The following WFIKKN2 variants were observed in gnomAD, a reference collection of about 807,000 sequenced individuals.
WFIKKN2 encodes WAP, follistatin/kazal, immunoglobulin, kunitz and netrin domain containing 2, also known as WAP, Kazal, immunoglobulin, Kunitz and NTR domain-containing protein 2.
A neutral mutation model predicts 39.2 loss-of-function variants in WFIKKN2; 25 were observed. The observed-to-expected ratio is 0.64, with a 90% CI of 0.47 to 0.89. WFIKKN2 has a LOEUF of 0.89. WFIKKN2 is among the 40% of genes least tolerant of loss of function. The pLI is 0.00. For synonymous variants in WFIKKN2, 345 were observed against 329.7 expected (o/e 1.05, Z -0.50); for missense variants, 770 against 811.7 (o/e 0.95, Z 0.62).
Position 50,836,002 on chromosome 17 carries a change from T to G in WFIKKN2, c.65T>G (p.Leu22Arg), listed in dbSNP as rs758227263. 6.2e-7 allele frequency: 1 copy of G among 1,604,468 alleles called. No homozygotes were observed. The highest frequency in any genetic ancestry group is 8.5e-7 in the Non-Finnish European group (1 of 1,176,060). ...GAGCAGGTGGCAGCGCTGCTGCTGCTGCTGCTACTGCTCGGGGTGCCCCCG... is the reference window on the plus strand; with the variant it reads ...GAGCAGGTGGCAGCGCTGCTGCTGCGGCTGCTACTGCTCGGGGTGCCCCCG... ...RWEQVAALLL[L>R]LLLLGVPPRS... The change falls in exon 1 of 2, where the codon CTG (leucine) becomes CGG (arginine). Residue 22 changes from leucine to arginine, a missense_variant. Transcript: ENST00000311378.
rs762540301 is a variant in WFIKKN2 at position 50,840,511 on chromosome 17, C to T, written c.1223C>T (p.Thr408Met). The change falls in exon 2 of 2, where the codon ACG (threonine) becomes ATG (methionine). Residue 408 changes from threonine (T) to methionine (M), a missense_variant. By Grantham distance (81) the Thr-to-Met change is moderately conservative. Coordinates refer to ENST00000311378, the MANE Select transcript of WFIKKN2 (RefSeq NM_175575.6). ...YAPRWAYNSQ[T>M]GQCQSFVYGG... The stretch of plus-strand genomic sequence containing the variant: ...CCTCGCTGGGCTTACAACAGCCAGA[C>T]GGGCCAGTGCCAGTCCTTTGTCTAT... 1.4e-5 allele frequency: 22 copies of T among 1,613,954 alleles called. No individual in the cohort carries two copies. Among genetic ancestry groups the T allele is most frequent in the Non-Finnish European group, 1.6e-5 (19 of 1,179,946 alleles).
Position 50,841,175 on chromosome 17 carries a change from C to A in WFIKKN2, c.*156C>A. ...GAAAAAGCCACAGAAGGTCTCAGAT[C>A]AGCATCTATTCTTTGGGTTCAATAA... On this transcript the variant is annotated 3_prime_UTR_variant, in exon 2 of 2. Coordinates refer to ENST00000311378, the MANE Select transcript of WFIKKN2 (RefSeq NM_175575.6). The A allele has an allele frequency of 1.4e-6, 1 of 714,274 alleles. No individual in the cohort carries two copies. The highest frequency in any genetic ancestry group is 2.2e-6 in the Non-Finnish European group (1 of 456,006). The allele number at this position is 714,274 out of a possible 1,614,324, so 44.2% of individuals were successfully genotyped here. A position where few individuals can be genotyped will look rare whatever the true frequency, so the allele number is the denominator to read the frequency against.
In WFIKKN2 at chr17:50,840,453, C is replaced by A. The variant is rs748136500; in HGVS notation, c.1165C>A (p.Pro389Thr). ...MSGPLAACSL[P>T]ALQGPCKAYA... ...CGGGCCGCTGGCCGCGTGCAGCCTG[C>A]CCGCCCTGCAGGGGCCCTGCAAAGC... The change falls in exon 2 of 2, where the codon CCC becomes ACC. Residue 389 changes from proline (P) to threonine (T), a missense_variant. Pro to Thr is a conservative substitution (Grantham distance 38, BLOSUM62 -1). Coordinates refer to ENST00000311378, the MANE Select transcript of WFIKKN2 (RefSeq NM_175575.6). 4 of 1,613,814 alleles carry A rather than the reference C, an allele frequency of 2.5e-6. No individual in the cohort carries two copies. The highest frequency in any genetic ancestry group is 3.4e-6 in the Non-Finnish European group (4 of 1,179,912).
intron 1 of WFIKKN2, 114 bp from the exon 2 acceptor site, chr17:50,839,385 C>A: frequency 1.0e-6 from 1 of 983,764 alleles, no homozygotes. Flanking sequence ...GTGTTTTGCT[C>A]CCACTAGATG....
rs1972021465 is a variant in WFIKKN2, at chr17:50,840,229, CAG to C, written c.946_947del (p.Ser316GlnfsTer19). Reference sequence around the variant, plus strand: ...AGGGGTCATCAGGCTGCAGCCACCTCAGAGAGCAGCCCCAATGGCACGGCTTT... The same window carrying C: ...AGGGGTCATCAGGCTGCAGCCACCTCAGAGCAGCCCCAATGGCACGGCTTT... On this transcript the variant is annotated frameshift_variant, in exon 2 of 2. Transcript: ENST00000311378. LOFTEE classifies it high-confidence loss of function. 2.0e-5 allele frequency: 32 copies of C among 1,614,002 alleles called. No homozygotes were observed. Among genetic ancestry groups the C allele is most frequent in the Non-Finnish European group, 2.7e-5 (32 of 1,180,026 alleles).
Position 50,838,915 on chromosome 17 carries a change from G to A in WFIKKN2, c.211-584G>A, listed in dbSNP as rs922342490. ...GCATTCCCCTCTTAACCTCTGATGC[G>A]ATCTCTTCCAGTCAGCAAGGCATCC... On this transcript the variant is annotated intron_variant, in intron 1 of 1. Transcript: ENST00000311378. 3.9e-5 allele frequency among the ~76,000 whole-genome samples: 6 copies of A among 152,292 alleles called. No individual in the cohort carries two copies. The East Asian group carries it at 9.6e-4, about 24-fold the overall frequency.
rs1163661531 is a variant in WFIKKN2 at position 50,841,094 on chromosome 17, C to T, written c.*75C>T. The T allele has an allele frequency of 1.3e-5, 18 of 1,414,760 alleles. No homozygotes were observed. The highest frequency in any genetic ancestry group is 2.7e-5 in the Admixed American group (1 of 37,712). The allele number at this position is 1,414,760 out of a possible 1,614,324, so 87.6% of individuals were successfully genotyped here. A position where few individuals can be genotyped will look rare whatever the true frequency, so the allele number is the denominator to read the frequency against. ...CCCCAATGCCTCTCAGCAAACTGGG[C>T]GAGGTCAGATTAGACAGGCTTGGGA... On this transcript the variant is annotated 3_prime_UTR_variant, in exon 2 of 2. Coordinates refer to ENST00000311378, the MANE Select transcript of WFIKKN2 (RefSeq NM_175575.6).
Position 50,836,120 on chromosome 17 carries a change from CT to C in WFIKKN2, c.184del (p.Cys62AlafsTer35). The C allele has an allele frequency of 6.2e-7, 1 of 1,613,406 alleles. No homozygotes were observed. The highest frequency in any genetic ancestry group is 1.1e-5 in the South Asian group (1 of 90,920). ...ACCTCTGGGTGGACGCACAGAGCAC[CT>C]GCAGGCGGGAGTGTGAGACGGACCA... ...PNLWVDAQST[C>X]RRECETDQEC... is the part of the protein sequence containing the mutation. On this transcript the variant is annotated frameshift_variant, in exon 1 of 2. Transcript: ENST00000311378. LOFTEE classifies it high-confidence loss of function.
Position 50,840,669 on chromosome 17 carries a change from A to G in WFIKKN2, c.1381A>G (p.Ser461Gly). The G allele has an allele frequency of 6.2e-7, 1 of 1,613,908 alleles. No homozygotes were observed. The highest frequency in any genetic ancestry group is 8.5e-7 in the Non-Finnish European group (1 of 1,179,990). ...RQKLVTSFCR[S>G]DFVILGRVSE... is the part of the protein sequence containing the mutation. ...GAAGCTCGTTACCAGCTTCTGTCGC[A>G]GCGACTTTGTCATCCTGGGCCGAGT... The change falls in exon 2 of 2, where the codon AGC becomes GGC. Residue 461 changes from serine to glycine, a missense_variant. By Grantham distance (56) the Ser-to-Gly change is moderately conservative. Transcript: ENST00000311378.
rs61732899 is a variant in WFIKKN2 at position 50,840,191 on chromosome 17, G to A, written c.903G>A (p.Pro301=). 2.8e-3 allele frequency: 4,490 copies of A among 1,613,680 alleles called. 97 individuals carry two copies. The African/African-American group carries it at 0.053, about 19-fold the overall frequency. The change falls in exon 2 of 2, where the codon CCG becomes CCA. Residue 301 remains proline (P), a synonymous_variant. Transcript: ENST00000311378. ...CTGGGGTCCTGAGGGCTGATTTCCC[G>A]CTGTCGGTGGTCAGGGGTCATCAGG... is the stretch of plus-strand genomic sequence containing the variant. ...NVAGVLRADF[P]LSVVRGHQAA... is the part of the protein sequence containing the mutation.
intron 1 of WFIKKN2, among the ~76,000 whole-genome samples, chr17:50,837,123 C>G (rs1971970045): frequency 6.6e-6 from 1 of 152,148 alleles, no homozygotes; most frequent in African/African-American, 2.4e-5. Context: ...CATCAGCAGC[C>G]CATTCACAGG....
In WFIKKN2 at chr17:50,840,437, G is replaced by A; in HGVS notation, c.1149G>A (p.Leu383=). ...TGCTGGCCTGCATGAGCGGGCCGCT[G>A]GCCGCGTGCAGCCTGCCCGCCCTGC... ...ACMLACMSGP[L]AACSLPALQG... Residue 383 remains leucine, a synonymous_variant, in exon 2 of 2, where the codon CTG becomes CTA. Transcript: ENST00000311378. 2.5e-6 allele frequency: 4 copies of A among 1,613,848 alleles called. No individual in the cohort carries two copies. The South Asian group carries it at 3.3e-5, about 13-fold the overall frequency.
chr17:50,836,095 A>C lies in WFIKKN2; in HGVS notation c.158A>C (p.Asn53Thr). 2 of 1,612,242 alleles carry C rather than the reference A, an allele frequency of 1.2e-6. No homozygotes were observed. Among genetic ancestry groups the C allele is most frequent in the Non-Finnish European group, 1.7e-6 (2 of 1,179,322 alleles). Residue 53 changes from asparagine to threonine, a missense_variant, in exon 1 of 2, where the codon AAC (asparagine) becomes ACC (threonine). Asn to Thr is a moderately conservative substitution (Grantham distance 65). Coordinates refer to ENST00000311378, the MANE Select transcript of WFIKKN2 (RefSeq NM_175575.6). ...ATCTGCCCCAACGACATGAATCCCA[A>C]CCTCTGGGTGGACGCACAGAGCACC... The part of the protein sequence containing the change: ...AGICPNDMNP[N>T]LWVDAQSTCR...
chr17:50,838,081 A>G (rs1971982484), intron 1 of WFIKKN2, among the ~76,000 whole-genome samples: 1 of 152,010 alleles, frequency 6.6e-6, no homozygotes, highest in Non-Finnish European at 1.5e-5. Flanking sequence ...CCAGGTCCTG[A>G]ATGTCTTAGG....
rs1411602303 is a variant in WFIKKN2 at position 50,840,299 on chromosome 17, T to C, written c.1011T>C (p.Cys337=). Residue 337 remains cysteine (C), a synonymous_variant, in exon 2 of 2, where the codon TGT becomes TGC. Transcript: ENST00000311378. The stretch of plus-strand genomic sequence containing the variant: ...TGAAGCCCCCAGACAGTGAGGACTG[T>C]GGCGAAGAGCAGACCCGCTGGCACT... The part of the protein sequence containing the change: ...ECLKPPDSED[C]GEEQTRWHFD... The C allele has an allele frequency of 6.2e-7, 1 of 1,613,916 alleles. No individual in the cohort carries two copies. Among genetic ancestry groups the C allele is most frequent in the African/African-American group, 1.3e-5 (1 of 74,928 alleles).
In WFIKKN2 at chr17:50,841,039, C is replaced by A; in HGVS notation, c.*20C>A. 2 of 1,510,020 alleles carry A rather than the reference C, an allele frequency of 1.3e-6. No individual in the cohort carries two copies. The highest frequency in any genetic ancestry group is 1.8e-6 in the Non-Finnish European group (2 of 1,129,250). The allele number at this position is 1,510,020 out of a possible 1,614,324, so 93.5% of individuals were successfully genotyped here. ...CACTGAAGCCCCCCACCCCTCCCTGCCCCCTCCCTGGCCTTCTTCCACCTA... is the reference window on the plus strand; with the variant it reads ...CACTGAAGCCCCCCACCCCTCCCTGACCCCTCCCTGGCCTTCTTCCACCTA... On this transcript the variant is annotated 3_prime_UTR_variant, in exon 2 of 2. Coordinates refer to ENST00000311378, the MANE Select transcript of WFIKKN2 (RefSeq NM_175575.6).
chr17:50,842,186 G>A lies in WFIKKN2; in HGVS notation c.*1167G>A, dbSNP rs1382810646. 1 of 152,274 alleles carries A rather than the reference G, an allele frequency of 6.6e-6. No homozygotes were observed. Among genetic ancestry groups the A allele is most frequent in the Non-Finnish European group, 1.5e-5 (1 of 68,134 alleles). The allele number at this position is 152,274 out of a possible 1,614,324, so 9.4% of individuals were successfully genotyped here. On this transcript the variant is annotated 3_prime_UTR_variant, in exon 2 of 2. Coordinates refer to ENST00000311378, the MANE Select transcript of WFIKKN2 (RefSeq NM_175575.6). ...ATCCTGGCCCTCCGGCCGCTAGAGAGAGGATTGGGAAACCCCACTGTCAGC... is the reference window on the plus strand; with the variant it reads ...ATCCTGGCCCTCCGGCCGCTAGAGAAAGGATTGGGAAACCCCACTGTCAGC...
At position 50,840,499 on chromosome 17, in the gene WFIKKN2, A is replaced by C; in HGVS notation, c.1211A>C (p.Tyr404Ser). 1 of 1,613,950 alleles carries C rather than the reference A, an allele frequency of 6.2e-7. No individual in the cohort carries two copies. Among genetic ancestry groups the C allele is most frequent in the Non-Finnish European group, 8.5e-7 (1 of 1,179,940 alleles). Residue 404 changes from tyrosine (Y) to serine (S), a missense_variant, in exon 2 of 2, where the codon TAC (tyrosine) becomes TCC (serine). By Grantham distance (144) the Tyr-to-Ser change is moderately radical (BLOSUM62 -2). Coordinates refer to ENST00000311378, the MANE Select transcript of WFIKKN2 (RefSeq NM_175575.6). ...AAAGCCTACGCGCCTCGCTGGGCTT[A>C]CAACAGCCAGACGGGCCAGTGCCAG... ...PCKAYAPRWAYNSQTGQCQSF... is the reference protein window; with the variant it reads ...PCKAYAPRWASNSQTGQCQSF...
chr17:50,836,573 T>C (rs111886269), intron 1 of WFIKKN2, among the ~76,000 whole-genome samples: 6 of 59,416 alleles, frequency 1.0e-4, no homozygotes, highest in East Asian at 5.3e-4. Flanking sequence ...GAGTGGGATC[T>C]AGAAGTGGGA....
Sources: gnomAD v4.1 joint callset for allele counts (sites outside exome capture counted in the v4.1 genomes callset) on GRCh38, gnomAD v4.1.1 for gene constraint, MANE v1.5 for transcripts, NCBI Gene and HGNC (gene_info 2026-07-23, HGNC 2026-07-21) for gene names.